The following THEMIS variants were observed in gnomAD, a reference collection of about 807,000 sequenced individuals.
THEMIS encodes the protein protein THEMIS.
Under a neutral mutation model 52.6 loss-of-function variants are expected in THEMIS, and 37 were observed. That is an observed-to-expected ratio of 0.70 (90% CI 0.54 to 0.93). THEMIS has a LOEUF of 0.93. Among genes scored for constraint, THEMIS ranks in the 40% least tolerant of loss-of-function variants. THEMIS has a pLI of 0.00. For synonymous variants in THEMIS, 292 were observed against 272.7 expected (o/e 1.07, Z -0.70); for missense variants, 808 against 763.1 (o/e 1.06, Z -0.69).
intron 1 of THEMIS, among the ~76,000 whole-genome samples, chr6:127,900,103 CA>C (rs1442851541): frequency 1.3e-5 from 2 of 151,444 alleles, no homozygotes; most frequent in East Asian, 3.9e-4. Context: ...CTCTTGAGGC[CA>C]GAAATACACC....
intron 1 of THEMIS, among the ~76,000 whole-genome samples, chr6:127,886,944 T>G (rs270019): frequency 2.0e-5 from 3 of 151,648 alleles, no homozygotes; most frequent in Non-Finnish European, 4.4e-5. Context: ...AGAAAAACAG[T>G]GGAGAAAAGT....
At chr6:127,861,017 A>G (rs754511270) in intron 1 of THEMIS, among the ~76,000 whole-genome samples, 1 of 152,132 alleles carries the variant, frequency 6.6e-6, no homozygotes, top group Non-Finnish European at 1.5e-5. Context: ...TATCCACAGA[A>G]CACTTATCTA....
intron 1 of THEMIS, among the ~76,000 whole-genome samples, chr6:127,914,418 G>A (rs762487831): frequency 3.3e-5 from 5 of 152,164 alleles, no homozygotes; most frequent in Non-Finnish European, 5.9e-5. Context: ...AATGAGATAT[G>A]TTCTGAGAAA....
chr6:127,744,654 T>A (rs577788713), intron 4 of THEMIS, among the ~76,000 whole-genome samples: 1 of 151,956 alleles, frequency 6.6e-6, no homozygotes, highest in Non-Finnish European at 1.5e-5. Flanking sequence ...AGAAAAAGAA[T>A]ACTGATTGCA....
chr6:127,842,103 T>C (rs1250035338), intron 2 of THEMIS, among the ~76,000 whole-genome samples: 3 of 151,976 alleles, frequency 2.0e-5, no homozygotes. Flanking sequence ...AAACAGAAGA[T>C]GGAAAGGTTA....
chr6:127,850,127 A>G (rs74824568), intron 2 of THEMIS, among the ~76,000 whole-genome samples: 1 of 152,070 alleles, frequency 6.6e-6, no homozygotes. Context: ...AACAACAAAC[A>G]TATGAAAAAT....
At chr6:127,855,269 G>A in intron 1 of THEMIS, 81 bp from the exon 2 acceptor site, 1 of 1,252,946 alleles carries the variant, frequency 8.0e-7, no homozygotes, top group Non-Finnish European at 1.1e-6. Flanking sequence ...TTAATATAAA[G>A]TGTTTTAATT....
chr6:127,884,518 T>A (rs111524140), intron 1 of THEMIS, among the ~76,000 whole-genome samples: 2,668 of 152,104 alleles, frequency 0.018, 83 homozygotes, highest in African/African-American at 0.06. Context: ...ACTCTTCAAC[T>A]CCCCCTCTTG....
rs115228573 is a variant in THEMIS at position 127,717,610 on chromosome 6, C to T, written c.1894+2078G>A. Among the ~76,000 whole-genome samples the T allele has an allele frequency of 1.8e-3, 279 of 151,902 alleles. 1 individual carries two copies. The highest frequency in any genetic ancestry group is 6.3e-3 in the African/African-American group (260 of 41,468). ...GAGTGAGGTTTTACCGTACTCTTGG[C>T]TGGAATAGAGTCTTATTACACAATT... On this transcript the variant is annotated intron_variant, in intron 5 of 5. Coordinates refer to ENST00000368248, the MANE Select transcript of THEMIS (RefSeq NM_001010923.3).
In THEMIS at chr6:127,765,300, A is replaced by G. The variant is rs1422967171; in HGVS notation, c.1759-45477T>C. 2.0e-5 allele frequency among the ~76,000 whole-genome samples: 3 copies of G among 152,208 alleles called. No homozygotes were observed. The South Asian group carries it at 6.2e-4, about 32-fold the overall frequency. On this transcript the variant is annotated intron_variant, in intron 4 of 5. Coordinates refer to ENST00000368248, the MANE Select transcript of THEMIS (RefSeq NM_001010923.3). Reference sequence around the variant, plus strand: ...TATTTCACAATGCAACAAAGTTTGCATCGTGTCATGAATGTAGCTGCATGG... The same window carrying G: ...TATTTCACAATGCAACAAAGTTTGCGTCGTGTCATGAATGTAGCTGCATGG...
At chr6:127,790,184 G>C (rs13208319) in intron 4 of THEMIS, among the ~76,000 whole-genome samples, 5,604 of 152,216 alleles carry the variant, frequency 0.037, 134 homozygotes, top group Middle Eastern at 0.061. Context: ...TAAATCTCAG[G>C]ATACAAAATC....
At chr6:127,832,361 C>A (rs750443014) in intron 2 of THEMIS, among the ~76,000 whole-genome samples, 3 of 151,970 alleles carry the variant, frequency 2.0e-5, no homozygotes, top group African/African-American at 7.3e-5. Flanking sequence ...TAAAGTGGCA[C>A]AATATAGGAA....
chr6:127,721,499 T>C (rs1394650707), intron 4 of THEMIS, among the ~76,000 whole-genome samples: 1 of 152,008 alleles, frequency 6.6e-6, no homozygotes, highest in Non-Finnish European at 1.5e-5. Flanking sequence ...GTGTGGTAAG[T>C]CATTTGTAGA....
In THEMIS at chr6:127,813,859, G is replaced by A. The variant is rs758351881; in HGVS notation, c.782C>T (p.Ala261Val). 3.1e-6 allele frequency: 5 copies of A among 1,612,116 alleles called. No individual in the cohort carries two copies. In the Admixed American group the frequency reaches 8.4e-5, roughly 27 times the overall value. The change falls in exon 4 of 6, where the codon GCT becomes GTT. Residue 261 changes from alanine (A) to valine (V), a missense_variant. By Grantham distance (64) the Ala-to-Val change is moderately conservative (BLOSUM62 0). Coordinates refer to ENST00000368248, the MANE Select transcript of THEMIS (RefSeq NM_001010923.3). ...EVKDITDSYD[A>V]NWFLQLLSTE... ...TGATAACAGCTGAAGAAACCAGTTA[G>A]CATCGTAAGAATCAGTGATGTCTTT...
chr6:127,882,462 T>G (rs72971882), intron 1 of THEMIS, among the ~76,000 whole-genome samples: 3,740 of 151,964 alleles, frequency 0.025, 57 homozygotes, highest in Non-Finnish European at 0.039. Context: ...CAAGCTTAGA[T>G]ATAGAAAGTT....
At chr6:127,734,384 C>T (rs923031315) in intron 4 of THEMIS, among the ~76,000 whole-genome samples, 45 of 152,008 alleles carry the variant, frequency 3.0e-4, no homozygotes, top group Middle Eastern at 3.4e-3. Flanking sequence ...CCAATGGGGG[C>T]GAAGAATGAG....
At position 127,813,628 on chromosome 6, in the gene THEMIS, T is replaced by C. The variant is rs774607907; in HGVS notation, c.1013A>G (p.Tyr338Cys). ...CGGTCGCCGCTTGAACTTGCCTTTA[T>C]AGCTAGTGGGGATCAAGAAGTGTCT... Reference protein sequence around the residue: ...PKRHFLIPTSYKGKFKRRPRE... With the variant: ...PKRHFLIPTSCKGKFKRRPRE... The change falls in exon 4 of 6, where the codon TAT (tyrosine) becomes TGT (cysteine). Residue 338 changes from tyrosine to cysteine, a missense_variant. Tyr to Cys is a radical substitution (Grantham distance 194). Transcript: ENST00000368248. 14 of 1,614,014 alleles carry C rather than the reference T, an allele frequency of 8.7e-6. No individual in the cohort carries two copies. The highest frequency in any genetic ancestry group is 7.6e-6 in the Non-Finnish European group (9 of 1,180,006).
At chr6:127,774,427 G>T (rs542015827) in intron 4 of THEMIS, among the ~76,000 whole-genome samples, 4 of 152,068 alleles carry the variant, frequency 2.6e-5, no homozygotes, top group Admixed American at 1.3e-4. Flanking sequence ...GGATGGTCTC[G>T]ATCTCCTGAC....
At chr6:127,804,236 T>C (rs1777628272) in intron 4 of THEMIS, among the ~76,000 whole-genome samples, 1 of 152,132 alleles carries the variant, frequency 6.6e-6, no homozygotes, top group Non-Finnish European at 1.5e-5. Context: ...CAGGAAGGCA[T>C]AATATTGCAG....
Sources: gnomAD v4.1 joint callset for allele counts (sites outside exome capture counted in the v4.1 genomes callset) on GRCh38, gnomAD v4.1.1 for gene constraint, MANE v1.5 for transcripts, NCBI Gene and HGNC (gene_info 2026-07-23, HGNC 2026-07-21) for gene names.